The following FHIT variants were observed in gnomAD, a reference collection of about 807,000 sequenced individuals.
The protein encoded by FHIT is bis(5'-adenosyl)-triphosphatase.
A neutral mutation model predicts 17.9 loss-of-function variants in FHIT; 19 were observed. That is an observed-to-expected ratio of 1.06 (90% confidence interval 0.74 to 1.56). The LOEUF is 1.56. Among genes scored for constraint, FHIT ranks in the 40% most tolerant of loss-of-function variants. FHIT has a pLI of 0.00. For missense variants in FHIT, 248 were observed against 189.2 expected (o/e 1.31, Z -1.82); for synonymous variants, 81 against 69.7 (o/e 1.16, Z -0.81).
chr3:60,628,455 G>A (rs550727328), intron 4 of FHIT, among the ~76,000 whole-genome samples: 5 of 152,206 alleles, frequency 3.3e-5, no homozygotes, highest in African/African-American at 1.2e-4. Context: ...TGCCTCAATT[G>A]GCCTCACACC....
chr3:60,001,717 G>A (rs914852104), intron 7 of FHIT, among the ~76,000 whole-genome samples: 1 of 152,092 alleles, frequency 6.6e-6, no homozygotes, highest in South Asian at 2.1e-4. Flanking sequence ...GAATTATCCC[G>A]TGCTCTGAGT....
chr3:59,864,833 A>AG (rs1553700020), intron 8 of FHIT, among the ~76,000 whole-genome samples: 2,317 of 136,552 alleles, frequency 0.017, 31 homozygotes, highest in African/African-American at 0.031. Context: ...AGAGAGAGAG[A>AG]AAAAAAAAAA....
rs1202713696 is a variant in FHIT, at chr3:60,743,110, C to T, written c.-18+78809G>A. On this transcript the variant is annotated intron_variant, in intron 4 of 9. Transcript: ENST00000492590. The stretch of plus-strand genomic sequence containing the variant: ...GCATTAGGATTGCAAACCCTGGCTT[C>T]GGACACAGTGCTGCTTGAATCAGAA... Among the ~76,000 whole-genome samples the T allele has an allele frequency of 4.0e-5, 6 of 151,850 alleles. No individual in the cohort carries two copies. The East Asian group carries it at 9.7e-4, about 25-fold the overall frequency.
chr3:59,947,133 G>A (rs763661787), intron 7 of FHIT, among the ~76,000 whole-genome samples: 11 of 152,270 alleles, frequency 7.2e-5, no homozygotes, highest in African/African-American at 1.7e-4. Flanking sequence ...CTGTGAATCT[G>A]TCTGGTCCGT....
rs1293734971 is a variant in FHIT, at chr3:60,279,443, G to T, written c.103+257417C>A. ...CTTTCTAAAAATAAATAATAAATTG[G>T]GTCCAGACAATTTAACTGATGAATT... On this transcript the variant is annotated intron_variant, in intron 5 of 9. Transcript: ENST00000492590. 3.3e-5 allele frequency among the ~76,000 whole-genome samples: 5 copies of T among 151,716 alleles called. No homozygotes were observed. The South Asian group carries it at 1.0e-3, about 32-fold the overall frequency.
At chr3:59,874,253 A>G (rs1309423150) in intron 8 of FHIT, among the ~76,000 whole-genome samples, 1 of 152,212 alleles carries the variant, frequency 6.6e-6, no homozygotes, top group Non-Finnish European at 1.5e-5. Flanking sequence ...CTCTGGCCAA[A>G]AAACAATTTC....
intron 5 of FHIT, among the ~76,000 whole-genome samples, chr3:60,106,717 G>A (rs1378657344): frequency 6.6e-6 from 1 of 152,134 alleles, no homozygotes; most frequent in African/African-American, 2.4e-5. Context: ...TGCATGTAGT[G>A]TACGCCCATT....
intron 7 of FHIT, among the ~76,000 whole-genome samples, chr3:59,934,071 T>C (rs577715650): frequency 1.3e-5 from 2 of 152,292 alleles, no homozygotes; most frequent in South Asian, 2.1e-4. Flanking sequence ...TCTTTACTTA[T>C]TATCATCACA....
At chr3:60,927,649 G>A (rs369186873) in intron 3 of FHIT, among the ~76,000 whole-genome samples, 1 of 151,932 alleles carries the variant, frequency 6.6e-6, no homozygotes, top group African/African-American at 2.4e-5. Flanking sequence ...TCTGGGAGGT[G>A]AGGAGTGTCT....
chr3:60,575,560 A>G (rs185292906), intron 4 of FHIT, among the ~76,000 whole-genome samples: 1 of 152,188 alleles, frequency 6.6e-6, no homozygotes, highest in African/African-American at 2.4e-5. Context: ...TAAGATTTTC[A>G]TTTAAAAGAA....
chr3:60,944,383 C>A (rs191540810), intron 3 of FHIT, among the ~76,000 whole-genome samples: 1 of 151,860 alleles, frequency 6.6e-6, no homozygotes, highest in Non-Finnish European at 1.5e-5. Flanking sequence ...ATCACTGGAA[C>A]CAAACAATCA....
chr3:60,082,568 C>G (rs962627214), intron 5 of FHIT, among the ~76,000 whole-genome samples: 1 of 152,086 alleles, frequency 6.6e-6, no homozygotes, highest in African/African-American at 2.4e-5. Context: ...TCCACAGAGG[C>G]TAAACTAATT....
At chr3:61,161,167 C>T (rs1420489104) in intron 2 of FHIT, among the ~76,000 whole-genome samples, 2 of 147,712 alleles carry the variant, frequency 1.4e-5, no homozygotes, top group African/African-American at 2.5e-5. Context: ...ACAGATTTCA[C>T]AGCACTTTCA....
intron 7 of FHIT, among the ~76,000 whole-genome samples, chr3:59,923,583 T>C (rs1010037226): frequency 6.6e-6 from 1 of 152,176 alleles, no homozygotes; most frequent in East Asian, 1.9e-4. Context: ...GCCTCTATTG[T>C]ACCTCGGCTG....
intron 4 of FHIT, among the ~76,000 whole-genome samples, chr3:60,768,058 G>A (rs949794942): frequency 2.0e-4 from 31 of 152,130 alleles, no homozygotes; most frequent in African/African-American, 7.0e-4. Flanking sequence ...AACATTGCAC[G>A]ATAAGCTAGC....
chr3:60,671,394 T>C (rs181562068), intron 4 of FHIT, among the ~76,000 whole-genome samples: 67 of 151,742 alleles, frequency 4.4e-4, no homozygotes, highest in African/African-American at 1.6e-3. Context: ...CTTTACAGAG[T>C]AGAGTTTCAA....
chr3:60,908,542 G>A (rs1194042629), intron 3 of FHIT, among the ~76,000 whole-genome samples: 1 of 151,996 alleles, frequency 6.6e-6, no homozygotes, highest in African/African-American at 2.4e-5. Context: ...ATCTAGAAAA[G>A]AGGAAAGTCA....
At chr3:60,845,714 C>A (rs1553746257) in intron 3 of FHIT, among the ~76,000 whole-genome samples, 2 of 152,012 alleles carry the variant, frequency 1.3e-5, no homozygotes, top group East Asian at 3.8e-4. Context: ...ACACACATAC[C>A]CCAGAAATAA....
chr3:60,135,647 AC>A (rs1179521752), intron 5 of FHIT, among the ~76,000 whole-genome samples: 4 of 152,098 alleles, frequency 2.6e-5, no homozygotes, highest in Admixed American at 2.6e-4. Flanking sequence ...ACCCTGACCT[AC>A]CAGAACTTCT....
Sources: allele counts gnomAD v4.1 joint callset (sites outside exome capture counted in the v4.1 genomes callset), GRCh38; gene constraint gnomAD v4.1.1; transcripts MANE v1.5; gene names NCBI Gene and HGNC (gene_info 2026-07-23, HGNC 2026-07-21).